The following MAGI2 variants were observed in gnomAD, a reference collection of about 807,000 sequenced individuals.
MAGI2 encodes the protein membrane associated guanylate kinase, WW and PDZ domain containing 2.
A neutral mutation model predicts 133.3 loss-of-function variants in MAGI2; 35 were observed. The ratio of observed to expected loss-of-function variants is 0.26; its 90% confidence interval spans 0.20 to 0.35. MAGI2 has a LOEUF of 0.35. Ranked by LOEUF, MAGI2 falls within the 10% of genes least tolerant of loss-of-function variation. The pLI is 1.00. For missense variants in MAGI2, 1,636 were observed against 1,863.4 expected, an observed-to-expected ratio of 0.88 and a Z score of 2.25; for synonymous variants, 729 against 710.6, an observed-to-expected ratio of 1.03 and a Z score of -0.41.
chr7:78,630,601 G>C (rs976192267), intron 2 of MAGI2, among the ~76,000 whole-genome samples: 6 of 151,730 alleles, frequency 4.0e-5, no homozygotes, highest in East Asian at 1.9e-4. Flanking sequence ...AGTTTTAGTA[G>C]AGACTGGGTT....
At chr7:78,439,786 T>C (rs546309512) in intron 6 of MAGI2, among the ~76,000 whole-genome samples, 4 of 152,244 alleles carry the variant, frequency 2.6e-5, no homozygotes, top group South Asian at 4.1e-4. Context: ...GCAGGATAAA[T>C]GTATCATCTT....
At chr7:78,757,242 C>G (rs1377029646) in intron 2 of MAGI2, among the ~76,000 whole-genome samples, 1 of 152,036 alleles carries the variant, frequency 6.6e-6, no homozygotes, top group Non-Finnish European at 1.5e-5. Context: ...GCATCTTATG[C>G]TCTAAGACCT....
intron 1 of MAGI2, among the ~76,000 whole-genome samples, chr7:79,266,699 C>T (rs571357958): frequency 6.6e-6 from 1 of 152,242 alleles, no homozygotes; most frequent in East Asian, 1.9e-4. Context: ...TAAAATTAAA[C>T]TGCCCCATAC....
chr7:78,452,780 A>G (rs1236634619), intron 6 of MAGI2, among the ~76,000 whole-genome samples: 4 of 151,972 alleles, frequency 2.6e-5, no homozygotes, highest in African/African-American at 9.7e-5. Context: ...TGCCTTTTGA[A>G]TAAGTACTAA....
chr7:78,560,867 C>A (rs1461067425), intron 3 of MAGI2, among the ~76,000 whole-genome samples: 4 of 147,798 alleles, frequency 2.7e-5, no homozygotes, highest in Non-Finnish European at 6.1e-5. Flanking sequence ...AACATATAGC[C>A]TTTCTAGTAG....
In MAGI2 at chr7:78,986,486, G is replaced by A. The variant is rs113934355; in HGVS notation, c.418+20604C>T. 3.0e-3 allele frequency among the ~76,000 whole-genome samples: 451 copies of A among 151,844 alleles called. 2 individuals are homozygous for A. Among genetic ancestry groups the A allele is most frequent in the African/African-American group, 0.01 (417 of 41,464 alleles). ...GCTCTATCTCTTGTCCATTCAAACC[G>A]GTCTTTTTTTTTCCAATCTAGTAGC... On this transcript the variant is annotated intron_variant, in intron 2 of 21. Coordinates refer to ENST00000354212, the MANE Select transcript of MAGI2 (RefSeq NM_012301.4).
chr7:79,239,510 T>C (rs887810872), intron 1 of MAGI2, among the ~76,000 whole-genome samples: 15 of 152,216 alleles, frequency 9.9e-5, no homozygotes, highest in Admixed American at 9.8e-4. Context: ...TGAGTTTGTT[T>C]GGTTAAGATA....
At chr7:78,679,765 C>A (rs539633580) in intron 2 of MAGI2, among the ~76,000 whole-genome samples, 2 of 152,136 alleles carry the variant, frequency 1.3e-5, no homozygotes, top group South Asian at 4.2e-4. Flanking sequence ...GAGGCAATAC[C>A]AATGAAGGGA....
intron 4 of MAGI2, among the ~76,000 whole-genome samples, chr7:78,506,935 A>G (rs1300341221): frequency 6.6e-6 from 1 of 152,254 alleles, no homozygotes; most frequent in Non-Finnish European, 1.5e-5. Flanking sequence ...AAAAGGATCT[A>G]GTCTTTGGAG....
At chr7:79,239,379 A>G (rs1832200698) in intron 1 of MAGI2, among the ~76,000 whole-genome samples, 1 of 152,116 alleles carries the variant, frequency 6.6e-6, no homozygotes, top group African/African-American at 2.4e-5. Flanking sequence ...TATTTCCTCA[A>G]AGTGTTATGA....
chr7:78,980,534 A>G (rs1804690394), intron 2 of MAGI2, among the ~76,000 whole-genome samples: 1 of 151,872 alleles, frequency 6.6e-6, no homozygotes, highest in Non-Finnish European at 1.5e-5. Context: ...GAACGAAGGT[A>G]TATTTCAACG....
chr7:78,853,661 T>C (rs190573688), intron 2 of MAGI2, among the ~76,000 whole-genome samples: 56 of 152,204 alleles, frequency 3.7e-4, no homozygotes, highest in African/African-American at 1.3e-3. Context: ...TGGCCCATTC[T>C]TGATGTAATA....
intron 10 of MAGI2, among the ~76,000 whole-genome samples, chr7:78,210,697 A>T (rs1262975113): frequency 6.6e-6 from 1 of 152,224 alleles, no homozygotes; most frequent in East Asian, 1.9e-4. Flanking sequence ...ATTGTGTTGC[A>T]TGAAAAGTGA....
rs905435750 is a variant in MAGI2, at chr7:78,442,334, A to G, written c.1045+47427T>C. ...GTCTTATACGAATCATCATCTTGGT[A>G]CAAATTGGTTAAGCTGACCTCAAGT... On this transcript the variant is annotated intron_variant, in intron 6 of 21. Transcript: ENST00000354212. 4.6e-5 allele frequency among the ~76,000 whole-genome samples: 7 copies of G among 152,332 alleles called. No homozygotes were observed. In the East Asian group the frequency reaches 5.8e-4, roughly 13 times the overall value.
chr7:79,136,003 G>GAAAGAAAGAAAGAAAGAAAGAA lies in MAGI2; in HGVS notation c.302-128798_302-128797insTTCTTTCTTTCTTTCTTTCTTT, dbSNP rs749343638. On this transcript the variant is annotated intron_variant, in intron 1 of 21. Transcript: ENST00000354212. ...AGAAAGAAAGAAAGAAAGAAAGAAAGAGAAAGAAAGAAAGAAAGAAAGAAG... is the reference window on the plus strand; with the variant it reads ...AGAAAGAAAGAAAGAAAGAAAGAAAGAAAGAAAGAAAGAAAGAAAGAAAGAAAGAAAGAAAGAAAGAAAGAAG... Among the ~76,000 whole-genome samples the GAAAGAAAGAAAGAAAGAAAGAA allele has an allele frequency of 4.6e-4, 19 of 40,916 alleles. 4 individuals are homozygous for GAAAGAAAGAAAGAAAGAAAGAA. Among genetic ancestry groups the GAAAGAAAGAAAGAAAGAAAGAA allele is most frequent in the South Asian group, 1.6e-3 (2 of 1,266 alleles). The allele number at this position is 40,916 out of a possible 152,430, so 26.8% of individuals were successfully genotyped here. A position where few individuals can be genotyped will look rare whatever the true frequency, so the allele number is the denominator to read the frequency against.
chr7:79,213,351 T>C lies in MAGI2; in HGVS notation c.302-206145A>G, dbSNP rs796888187. On this transcript the variant is annotated intron_variant, in intron 1 of 21. Coordinates refer to ENST00000354212, the MANE Select transcript of MAGI2 (RefSeq NM_012301.4). Reference sequence around the variant, plus strand: ...ACACACACACACACACACACACACATATATTTTTTCTTTTTTGAGATGGAG... The same window carrying C: ...ACACACACACACACACACACACACACATATTTTTTCTTTTTTGAGATGGAG... Among the ~76,000 whole-genome samples the C allele has an allele frequency of 2.4e-4, 32 of 134,186 alleles. No homozygotes were observed. The East Asian group carries it at 2.6e-3, about 11-fold the overall frequency. The allele number at this position is 134,186 out of a possible 152,430, so 88.0% of individuals were successfully genotyped here.
chr7:78,328,948 C>A (rs937583930), intron 9 of MAGI2, among the ~76,000 whole-genome samples: 2 of 152,112 alleles, frequency 1.3e-5, no homozygotes, highest in South Asian at 2.1e-4. Context: ...AGGTTATTAA[C>A]CTTGGCTTGA....
At chr7:78,626,947 G>C (rs1051531242) in intron 3 of MAGI2, among the ~76,000 whole-genome samples, 173 bp downstream of exon 3, 1 of 151,268 alleles carries the variant, frequency 6.6e-6, no homozygotes, top group Non-Finnish European at 1.5e-5. Flanking sequence ...CATATTAAAA[G>C]TACACTTAAT....
At chr7:78,685,068 G>A (rs1196727098) in intron 2 of MAGI2, among the ~76,000 whole-genome samples, 1 of 152,266 alleles carries the variant, frequency 6.6e-6, no homozygotes, top group East Asian at 1.9e-4. Context: ...TTTGTGGGCT[G>A]GATGTCCCAT....
Sources: allele counts gnomAD v4.1 joint callset (sites outside exome capture counted in the v4.1 genomes callset), GRCh38; gene constraint gnomAD v4.1.1; transcripts MANE v1.5; gene names NCBI Gene and HGNC (gene_info 2026-07-23, HGNC 2026-07-21).